The following GSN variants were observed in gnomAD, a reference collection of about 807,000 sequenced individuals.
GSN encodes the protein actin-depolymerizing factor.
A neutral mutation model predicts 85.7 loss-of-function variants in GSN; 56 were observed. The ratio of observed to expected loss-of-function variants is 0.65; its 90% CI spans 0.53 to 0.82. The LOEUF (loss-of-function observed/expected upper bound fraction) is 0.82. GSN is among the 40% of genes least tolerant of loss of function. GSN has a pLI of 0.00. For missense variants in GSN, 857 were observed against 979.8 expected (o/e 0.87, Z 1.67); for synonymous variants, 373 against 399.1 (o/e 0.93, Z 0.78).
Position 121,324,617 on chromosome 9 carries a change from T to A in GSN, c.1389T>A (p.Asp463Glu). The part of the protein sequence containing the change: ...AASAILTAQL[D>E]EELGGTPVQS... ...CTGCCATCCTGACTGCTCAGCTGGA[T>A]GAGGAGCTGGGAGGTACCCCTGTCC... The change falls in exon 12 of 18, where the codon GAT becomes GAA. Residue 463 changes from aspartate to glutamate, a missense_variant. Physicochemically the swap from Asp to Glu is conservative, Grantham distance 45. Coordinates refer to ENST00000432226, the MANE Select transcript of GSN (RefSeq NM_198252.3). 6.5e-7 allele frequency: 1 copy of A among 1,543,612 alleles called. No homozygotes were observed. The highest frequency in any genetic ancestry group is 2.0e-5 in the Admixed American group (1 of 51,048).
upstream of GSN, among the ~76,000 whole-genome samples, chr9:121,263,963 C>A (rs1321188967): frequency 1.3e-5 from 2 of 151,800 alleles, no homozygotes; most frequent in African/African-American, 4.8e-5. Context: ...AAACTGCCCC[C>A]ATGATCCAAT....
At chr9:121,209,596 G>T (rs1157012867) in intron 2 of GSN, among the ~76,000 whole-genome samples, 7 of 152,188 alleles carry the variant, frequency 4.6e-5, no homozygotes, top group African/African-American at 1.4e-4. Flanking sequence ...GTTCCTTAAG[G>T]TCTCTAATTC....
At chr9:121,269,360 A>G (rs1409616876) in intron 1 of GSN, among the ~76,000 whole-genome samples, 1 of 152,206 alleles carries the variant, frequency 6.6e-6, no homozygotes, top group Non-Finnish European at 1.5e-5. Flanking sequence ...TCAAGGACCC[A>G]GAGAGTTTAT....
chr9:121,281,351 A>G (rs2057342497), intron 1 of GSN, 119 bp from the exon 2 acceptor site: 1 of 347,388 alleles, frequency 2.9e-6, no homozygotes, highest in South Asian at 2.2e-5. Flanking sequence ...GATGTGTGCA[A>G]GTACTGATTG....
In GSN at chr9:121,281,574, A is replaced by G. The variant is rs1194495271; in HGVS notation, c.-10+12A>G. On this transcript the variant is annotated intron_variant, in intron 2 of 17. Coordinates refer to ENST00000432226, the MANE Select transcript of GSN (RefSeq NM_198252.3). The stretch of plus-strand genomic sequence containing the variant: ...CACAGCCTTGTTAGGTAGGTAGAGC[A>G]ATACAGACACCTGTCGTCCTCTTAA... 2 of 468,002 alleles carry G rather than the reference A, an allele frequency of 4.3e-6. No individual in the cohort carries two copies. The highest frequency in any genetic ancestry group is 2.4e-5 in the Admixed American group (1 of 41,946). 29.0% of individuals were successfully genotyped at this position (468,002 alleles called of 1,614,324 possible).
upstream of GSN, among the ~76,000 whole-genome samples, chr9:121,267,709 G>C (rs1428291086): frequency 6.6e-6 from 1 of 152,162 alleles, no homozygotes; most frequent in Non-Finnish European, 1.5e-5. Context: ...CCGTGGGAGG[G>C]AATCTCCCCT....
At chr9:121,316,433 T>C (rs2061707363) in intron 7 of GSN, among the ~76,000 whole-genome samples, 1 of 152,172 alleles carries the variant, frequency 6.6e-6, no homozygotes, top group South Asian at 2.1e-4. Context: ...AGATTGCATT[T>C]AGCTCTTTTT....
intron 4 of GSN, among the ~76,000 whole-genome samples, chr9:121,226,018 T>C (rs2054266679): frequency 6.6e-6 from 1 of 152,202 alleles, no homozygotes; most frequent in Admixed American, 6.5e-5. Flanking sequence ...TTGGCCAGGC[T>C]GGTCTCGAAC....
chr9:121,219,425 C>T (rs1018666702), intron 4 of GSN, among the ~76,000 whole-genome samples: 1 of 152,076 alleles, frequency 6.6e-6, no homozygotes, highest in African/African-American at 2.4e-5. Flanking sequence ...CAAAGCCTTC[C>T]TGATAGCATT....
chr9:121,260,481 C>A (rs558373959), intron 6 of GSN, among the ~76,000 whole-genome samples: 2 of 152,180 alleles, frequency 1.3e-5, no homozygotes, highest in African/African-American at 4.8e-5. Context: ...TAAGAGCTAA[C>A]GTTTTGAAAG....
chr9:121,237,290 G>C (rs2054514571), intron 5 of GSN, among the ~76,000 whole-genome samples: 1 of 152,198 alleles, frequency 6.6e-6, no homozygotes, highest in African/African-American at 2.4e-5. Context: ...GGCTAGGGGT[G>C]ATGTCTCATG....
At chr9:121,325,926 A>G (rs912725941) in intron 12 of GSN, among the ~76,000 whole-genome samples, 1 of 151,986 alleles carries the variant, frequency 6.6e-6, no homozygotes, top group African/African-American at 2.4e-5. Flanking sequence ...AGCGACTGCC[A>G]TATGCCTGAC....
At chr9:121,323,833 GTC>G (rs1232705617) in intron 11 of GSN, among the ~76,000 whole-genome samples, 1 of 151,992 alleles carries the variant, frequency 6.6e-6, no homozygotes, top group Non-Finnish European at 1.5e-5. Context: ...TTTGTAGAAT[GTC>G]TCTCAATTTG....
At position 121,299,868 on chromosome 9, in the gene GSN, C is replaced by T. The variant is rs2059608360; in HGVS notation, c.-9-2095C>T. 7.5e-7 allele frequency: 1 copy of T among 1,332,012 alleles called. No individual in the cohort carries two copies. The highest frequency in any genetic ancestry group is 9.7e-7 in the Non-Finnish European group (1 of 1,033,070). 82.5% of individuals were successfully genotyped at this position (1,332,012 alleles called of 1,614,324 possible). ...CCCTGCCGCTGTCGCCACCATGGCTCCGCACCGCCCCGCGCCCGCGCTGCT... is the reference window on the plus strand; with the variant it reads ...CCCTGCCGCTGTCGCCACCATGGCTTCGCACCGCCCCGCGCCCGCGCTGCT... On this transcript the variant is annotated intron_variant, in intron 2 of 17. Coordinates refer to ENST00000432226, the MANE Select transcript of GSN (RefSeq NM_198252.3). The surrounding 1 kb of genome is among the most constrained non-coding windows in gnomAD (Gnocchi z 4.2).
chr9:121,290,782 T>G (rs1172982689), intron 2 of GSN, among the ~76,000 whole-genome samples: 1 of 152,202 alleles, frequency 6.6e-6, no homozygotes, highest in East Asian at 1.9e-4. Context: ...GTACAACTTA[T>G]TCCCTATAGT....
At chr9:121,247,739 C>G (rs2054729522) in intron 5 of GSN, among the ~76,000 whole-genome samples, 2 of 152,096 alleles carry the variant, frequency 1.3e-5, no homozygotes, top group Admixed American at 1.3e-4. Context: ...ATCAAATCAC[C>G]AAATCAAATA....
At chr9:121,242,312 A>G (rs1308929938) in intron 5 of GSN, among the ~76,000 whole-genome samples, 1 of 152,216 alleles carries the variant, frequency 6.6e-6, no homozygotes, top group Non-Finnish European at 1.5e-5. Flanking sequence ...CAGGGAGGAA[A>G]CAGAAAAGAT....
At chr9:121,254,325 C>A (rs1468296333) in intron 6 of GSN, among the ~76,000 whole-genome samples, 1 of 152,184 alleles carries the variant, frequency 6.6e-6, no homozygotes, top group Non-Finnish European at 1.5e-5. Flanking sequence ...TCCCGTGAAA[C>A]AAGATCACCT....
chr9:121,310,539 C>G, intron 4 of GSN, 145 bp from the exon 5 acceptor site: 1 of 748,062 alleles, frequency 1.3e-6, no homozygotes, highest in East Asian at 2.7e-5. Flanking sequence ...TATGAAAGTC[C>G]TGAGTTAACT....
Sources: gnomAD v4.1 joint callset for allele counts (sites outside exome capture counted in the v4.1 genomes callset) on GRCh38, gnomAD v4.1.1 for gene constraint, Gnocchi (gnomAD v3.1) non-coding constraint, MANE v1.5 for transcripts, NCBI Gene and HGNC (gene_info 2026-07-23, HGNC 2026-07-21) for gene names.